Variants in TAOK3 observed in about 807,000 individuals in gnomAD.
TAOK3 encodes the protein serine/threonine-protein kinase TAO3.
TAOK3 carries 40 observed loss-of-function variants against 120.4 expected under a neutral mutation model. That is an observed-to-expected ratio of 0.33 (90% CI 0.26 to 0.43). The LOEUF (loss-of-function observed/expected upper bound fraction) is 0.43, where lower values mean the gene tolerates loss of function less well. Ranked by LOEUF, TAOK3 falls within the 20% of genes least tolerant of loss-of-function variation. The probability of loss-of-function intolerance (pLI) is 1.00; values close to 1 mark genes in which losing one functional copy is unlikely to be tolerated. For missense variants in TAOK3, 821 were observed against 1,112.1 expected (o/e 0.74, Z 3.72); for synonymous variants, 355 against 387.5 (o/e 0.92, Z 0.99).
chr12:118,150,975 G>A lies in TAOK3; in HGVS notation c.*22C>T, dbSNP rs199682317. 2 of 583,950 alleles carry A rather than the reference G, an allele frequency of 3.4e-6. No individual in the cohort carries two copies. Among genetic ancestry groups the A allele is most frequent in the Non-Finnish European group, 4.5e-6 (2 of 444,572 alleles). The allele number at this position is 583,950 out of a possible 1,614,324, so 36.2% of individuals were successfully genotyped here. A position where few individuals can be genotyped will look rare whatever the true frequency, so the allele number is the denominator to read the frequency against. On this transcript the variant is annotated 3_prime_UTR_variant, in exon 21 of 21. Transcript: ENST00000392533. ...TGTTTTCTTTTTTTTTTTTTTTTTTGTAAATGGCAAAAAATTTAATCTCAT... is the reference window on the plus strand; with the variant it reads ...TGTTTTCTTTTTTTTTTTTTTTTTTATAAATGGCAAAAAATTTAATCTCAT...
Position 118,201,543 on chromosome 12 carries a change from G to C in TAOK3, c.820-80C>G, listed in dbSNP as rs986814152. 7 of 1,257,148 alleles carry C rather than the reference G, an allele frequency of 5.6e-6. No individual in the cohort carries two copies. In the African/African-American group the frequency reaches 7.5e-5, roughly 13 times the overall value. The allele number at this position is 1,257,148 out of a possible 1,614,324, so 77.9% of individuals were successfully genotyped here. ...CAAGGTACAGATATAAAAGGAAATA[G>C]AGAATCATAAAATAGTTCTATGGAT... On this transcript the variant is annotated intron_variant, in intron 11 of 20. Transcript: ENST00000392533.
At chr12:118,182,037 T>C (rs1312561519) in intron 14 of TAOK3, among the ~76,000 whole-genome samples, 2 of 151,928 alleles carry the variant, frequency 1.3e-5, no homozygotes, top group African/African-American at 2.4e-5. Context: ...ATACAAAAAT[T>C]AGCCAGGCAT....
At chr12:118,202,468 A>G (rs1037119675) in intron 11 of TAOK3, among the ~76,000 whole-genome samples, 2 of 152,138 alleles carry the variant, frequency 1.3e-5, no homozygotes, top group African/African-American at 4.8e-5. Flanking sequence ...GGCAACCCCA[A>G]TCTACATTCC....
At chr12:118,269,713 T>C (rs1566041609) in intron 1 of TAOK3, among the ~76,000 whole-genome samples, 1 of 152,170 alleles carries the variant, frequency 6.6e-6, no homozygotes, top group Non-Finnish European at 1.5e-5. Flanking sequence ...ATTCTCTTCA[T>C]CTTTGGTTGC....
intron 1 of TAOK3, among the ~76,000 whole-genome samples, chr12:118,267,975 G>T (rs763049095): frequency 2.6e-5 from 4 of 151,610 alleles, no homozygotes; most frequent in Non-Finnish European, 5.9e-5. Context: ...CTCCATGGAC[G>T]TATTTATTTC....
At chr12:118,212,748 C>T (rs560438065) in intron 11 of TAOK3, among the ~76,000 whole-genome samples, 166 bp downstream of exon 11, 1 of 152,118 alleles carries the variant, frequency 6.6e-6, no homozygotes, top group African/African-American at 2.4e-5. Flanking sequence ...CATAACGTTG[C>T]AATAATCTTG....
At chr12:118,200,686 A>G (rs1288074296) in intron 12 of TAOK3, 1 of 151,706 alleles carries the variant, frequency 6.6e-6, no homozygotes, top group Non-Finnish European at 1.5e-5. Context: ...TCCTAAATCT[A>G]CTCTTTCTCC....
At chr12:118,253,893 A>T (rs1008479201) in intron 3 of TAOK3, among the ~76,000 whole-genome samples, 1 of 152,158 alleles carries the variant, frequency 6.6e-6, no homozygotes, top group African/African-American at 2.4e-5. Context: ...TACTAAAAAT[A>T]CAAAAATTAG....
intron 1 of TAOK3, among the ~76,000 whole-genome samples, chr12:118,325,134 C>T (rs940925609): frequency 6.6e-6 from 1 of 152,178 alleles, no homozygotes; most frequent in Non-Finnish European, 1.5e-5. Context: ...CTGATAAACA[C>T]TTAACATTGC....
intron 2 of TAOK3, among the ~76,000 whole-genome samples, chr12:118,259,847 T>C (rs1020334316): frequency 6.6e-6 from 1 of 152,058 alleles, no homozygotes; most frequent in Non-Finnish European, 1.5e-5. Context: ...AAACAAGATA[T>C]GGAGATTTGC....
At chr12:118,167,623 T>C (rs2035685691) in intron 17 of TAOK3, among the ~76,000 whole-genome samples, 1 of 151,980 alleles carries the variant, frequency 6.6e-6, no homozygotes, top group Admixed American at 6.6e-5. Context: ...ATCTGTTACT[T>C]TTTGTAAGGC....
In TAOK3 at chr12:118,177,292, T is replaced by C; in HGVS notation, c.1604A>G (p.Gln535Arg). 6.2e-7 allele frequency: 1 copy of C among 1,613,864 alleles called. No homozygotes were observed. Among genetic ancestry groups the C allele is most frequent in the Non-Finnish European group, 8.5e-7 (1 of 1,179,950 alleles). ...VAAADEKKFQQQILAQQKKDL... is the reference protein window; with the variant it reads ...VAAADEKKFQRQILAQQKKDL... Reference sequence around the variant, plus strand: ...TTTCTTCTGCTGGGCCAAGATCTGTTGCTGGAACTTCTTCTCATCTGCTGC... The same window carrying C: ...TTTCTTCTGCTGGGCCAAGATCTGTCGCTGGAACTTCTTCTCATCTGCTGC... The change falls in exon 16 of 21, where the codon CAA (glutamine) becomes CGA (arginine). Residue 535 changes from glutamine (Q) to arginine (R), a missense_variant. Physicochemically the swap from Gln to Arg is conservative, Grantham distance 43 (BLOSUM62 1). Transcript: ENST00000392533.
chr12:118,288,954 G>C lies in TAOK3; in HGVS notation c.-193-22195C>G, dbSNP rs550408686. ...AAAAAAAGAAAGAAAGAAAAAGAAA[G>C]ATAGCATGCTTAGGAACTATTTGGA... On this transcript the variant is annotated intron_variant, in intron 1 of 20. Coordinates refer to ENST00000392533, the MANE Select transcript of TAOK3 (RefSeq NM_016281.4). Among the ~76,000 whole-genome samples the C allele has an allele frequency of 2.1e-5, 3 of 145,328 alleles. No homozygotes were observed. In the South Asian group the frequency reaches 6.7e-4, roughly 33 times the overall value.
intron 1 of TAOK3, among the ~76,000 whole-genome samples, chr12:118,314,928 C>CT (rs913291664): frequency 4.9e-4 from 70 of 143,430 alleles, no homozygotes; most frequent in Middle Eastern, 3.6e-3. Flanking sequence ...TTTTCTTTTT[C>CT]TTTTTTTTTT....
At chr12:118,310,600 A>G (rs1384980623) in intron 1 of TAOK3, among the ~76,000 whole-genome samples, 2 of 152,232 alleles carry the variant, frequency 1.3e-5, no homozygotes, top group Non-Finnish European at 2.9e-5. Context: ...AAGGCAACAT[A>G]AAAATTATCC....
chr12:118,252,616 A>G (rs150553540), intron 3 of TAOK3, among the ~76,000 whole-genome samples: 123 of 152,310 alleles, frequency 8.1e-4, no homozygotes, highest in African/African-American at 3.0e-3. Flanking sequence ...CTTTGTTAAC[A>G]AGAGGACCTG....
At chr12:118,173,186 C>A (rs977793444) in intron 16 of TAOK3, among the ~76,000 whole-genome samples, 4 of 152,118 alleles carry the variant, frequency 2.6e-5, no homozygotes, top group Non-Finnish European at 4.4e-5. Context: ...AGAATACTCT[C>A]AGTAGAGAAA....
chr12:118,279,755 TG>T (rs2042028960), intron 1 of TAOK3, among the ~76,000 whole-genome samples: 1 of 148,870 alleles, frequency 6.7e-6, no homozygotes, highest in Admixed American at 6.7e-5. Flanking sequence ...AGCTAATTTT[TG>T]TTTTTATTGT....
intron 1 of TAOK3, among the ~76,000 whole-genome samples, chr12:118,289,296 CAAAAA>C (rs59297201): frequency 1.3e-5 from 1 of 78,720 alleles, no homozygotes. Context: ...AAGACTGTCT[CAAAAA>C]AAAAAAAAAA....
Sources: allele counts gnomAD v4.1 joint callset (sites outside exome capture counted in the v4.1 genomes callset), GRCh38; gene constraint gnomAD v4.1.1; transcripts MANE v1.5; gene names NCBI Gene and HGNC (gene_info 2026-07-23, HGNC 2026-07-21).